MICU1: variants seen among roughly 807,000 people sequenced by gnomAD.
The protein encoded by MICU1 is calcium uptake protein 1, mitochondrial.
MICU1 carries 45 observed loss-of-function variants against 56.8 expected under a neutral mutation model. The ratio of observed to expected loss-of-function variants is 0.79; its 90% confidence interval spans 0.62 to 1.02. The LOEUF is 1.02. Among genes scored for constraint, MICU1 ranks in the 50% least tolerant of loss-of-function variants. MICU1 has a pLI of 0.00. For synonymous variants in MICU1, 186 were observed against 195.1 expected, an observed-to-expected ratio of 0.95 and a Z score of 0.39; for missense variants, 504 against 587.1, an observed-to-expected ratio of 0.86 and a Z score of 1.46.
At chr10:72,447,704 C>A (rs74148007) in intron 8 of MICU1, among the ~76,000 whole-genome samples, 1 of 151,936 alleles carries the variant, frequency 6.6e-6, no homozygotes. Context: ...ATCAATTGTG[C>A]CTCAGTTAGG....
chr10:72,490,079 A>AT (rs1866603271), intron 6 of MICU1, among the ~76,000 whole-genome samples: 2 of 152,218 alleles, frequency 1.3e-5, no homozygotes, highest in African/African-American at 4.8e-5. Context: ...GAGGGACCAA[A>AT]TAGTGGGAAA....
Position 72,385,140 on chromosome 10 carries a change from G to A in MICU1, c.1181-9268C>T, listed in dbSNP as rs529872770. Among the ~76,000 whole-genome samples the A allele has an allele frequency of 1.2e-4, 18 of 152,138 alleles. No homozygotes were observed. In the East Asian group the frequency reaches 2.9e-3, roughly 24 times the overall value. ...TAATGAGAACCCTGGTGTGGAAGTC[G>A]CTGAACCTGAACTTCTGGTCTGTGA... On this transcript the variant is annotated intron_variant, in intron 10 of 11. Coordinates refer to ENST00000361114, the MANE Select transcript of MICU1 (RefSeq NM_001195518.2).
At chr10:72,474,929 T>C (rs896264334) in intron 8 of MICU1, among the ~76,000 whole-genome samples, 171 bp downstream of exon 8, 4 of 152,208 alleles carry the variant, frequency 2.6e-5, no homozygotes, top group African/African-American at 9.6e-5. Flanking sequence ...CTTCATGACA[T>C]TTTCACAGAA....
At chr10:72,408,897 A>T (rs2132106083) in intron 9 of MICU1, among the ~76,000 whole-genome samples, 1 of 152,294 alleles carries the variant, frequency 6.6e-6, no homozygotes, top group South Asian at 2.1e-4. Context: ...CCACAAAGTA[A>T]TTTGCCACTT....
At chr10:72,613,290 T>TTC (rs770907789) in intron 1 of MICU1, among the ~76,000 whole-genome samples, 53 of 149,232 alleles carry the variant, frequency 3.6e-4, no homozygotes, top group African/African-American at 1.3e-3. Flanking sequence ...TTTTTTTTTT[T>TTC]AGAGACAGGG....
intron 8 of MICU1, among the ~76,000 whole-genome samples, chr10:72,441,945 T>C (rs1004358112): frequency 6.6e-6 from 1 of 152,032 alleles, no homozygotes; most frequent in African/African-American, 2.4e-5. Context: ...AAAAGCAACT[T>C]GAGAGAGGCA....
chr10:72,410,727 G>A (rs1305780108), intron 9 of MICU1, among the ~76,000 whole-genome samples: 3 of 152,182 alleles, frequency 2.0e-5, no homozygotes, highest in African/African-American at 7.2e-5. Flanking sequence ...TATATTATAT[G>A]CTTTTTCCCT....
intron 6 of MICU1, among the ~76,000 whole-genome samples, chr10:72,501,152 T>G (rs1301128467): frequency 6.6e-6 from 1 of 152,170 alleles, no homozygotes; most frequent in African/African-American, 2.4e-5. Context: ...TTAATATGGA[T>G]GCTATGGCTC....
chr10:72,426,350 G>T (rs981926641), intron 8 of MICU1, among the ~76,000 whole-genome samples: 2 of 150,630 alleles, frequency 1.3e-5, no homozygotes, highest in African/African-American at 4.9e-5. Context: ...GCACCAACAC[G>T]TTGCTCAAAG....
intron 10 of MICU1, among the ~76,000 whole-genome samples, chr10:72,384,135 A>G (rs1298557132): frequency 6.6e-6 from 1 of 152,186 alleles, no homozygotes; most frequent in East Asian, 1.9e-4. Context: ...CTAGGACTAC[A>G]GGCTCGCGCC....
chr10:72,562,454 T>C (rs1271484166), intron 3 of MICU1, among the ~76,000 whole-genome samples: 3 of 152,156 alleles, frequency 2.0e-5, no homozygotes, highest in South Asian at 2.1e-4. Context: ...ATGCGGGGCC[T>C]AATTACATAA....
chr10:72,617,004 C>T (rs780163869), intron 1 of MICU1, among the ~76,000 whole-genome samples: 18 of 152,226 alleles, frequency 1.2e-4, no homozygotes, highest in Non-Finnish European at 2.5e-4. Context: ...TCCTATCTTT[C>T]AGGGATTACT....
At chr10:72,550,183 C>T (rs911564086) in intron 4 of MICU1, among the ~76,000 whole-genome samples, 3 of 152,068 alleles carry the variant, frequency 2.0e-5, no homozygotes, top group Non-Finnish European at 2.9e-5. Context: ...TCTACAGGTG[C>T]ACTATTTTCC....
Position 72,537,832 on chromosome 10 carries a change from T to G in MICU1, c.494-4043A>C, listed in dbSNP as rs531579967. 3.9e-5 allele frequency among the ~76,000 whole-genome samples: 6 copies of G among 152,258 alleles called. No individual in the cohort carries two copies. The South Asian group carries it at 1.2e-3, about 32-fold the overall frequency. On this transcript the variant is annotated intron_variant, in intron 4 of 11. Coordinates refer to ENST00000361114, the MANE Select transcript of MICU1 (RefSeq NM_001195518.2). ...CAGTTTAAGCCTCAGAGTGAACATT[T>G]AAAAGACTTGTTTAAAGACAATGGC...
chr10:72,606,068 T>G (rs1424873368), intron 1 of MICU1, among the ~76,000 whole-genome samples: 2 of 149,888 alleles, frequency 1.3e-5, no homozygotes, highest in Non-Finnish European at 3.0e-5. Flanking sequence ...GAGGTGGAGG[T>G]TGCAGTGAGC....
chr10:72,447,715 A>C (rs1479125464), intron 8 of MICU1, among the ~76,000 whole-genome samples: 1 of 152,170 alleles, frequency 6.6e-6, no homozygotes, highest in Non-Finnish European at 1.5e-5. Context: ...CTCAGTTAGG[A>C]AAATGGCCAT....
At chr10:72,522,719 A>G (rs551078441) in intron 5 of MICU1, among the ~76,000 whole-genome samples, 4 of 152,156 alleles carry the variant, frequency 2.6e-5, no homozygotes, top group African/African-American at 4.8e-5. Context: ...TTCCACAGGC[A>G]ATAGAAACTT....
chr10:72,501,924 A>G (rs1418144940), intron 6 of MICU1: 1 of 152,194 alleles, frequency 6.6e-6, no homozygotes, highest in Non-Finnish European at 1.5e-5. Flanking sequence ...ATTGCATAAC[A>G]TGCTTTCTTT....
At chr10:72,606,171 C>G (rs1221933065) in intron 1 of MICU1, among the ~76,000 whole-genome samples, 1 of 150,816 alleles carries the variant, frequency 6.6e-6, no homozygotes, top group East Asian at 1.9e-4. Context: ...TGTTACATAA[C>G]TATGTAAACC....
Sources: allele counts gnomAD v4.1 joint callset (sites outside exome capture counted in the v4.1 genomes callset), GRCh38; gene constraint gnomAD v4.1.1; transcripts MANE v1.5; gene names NCBI Gene and HGNC (gene_info 2026-07-23, HGNC 2026-07-21).